Variants in HIVEP3 observed in about 807,000 individuals in gnomAD.
HIVEP3 encodes HIVEP zinc finger 3.
A neutral mutation model predicts 152.8 loss-of-function variants in HIVEP3; 49 were observed. The ratio of observed to expected loss-of-function variants is 0.32; its 90% CI spans 0.26 to 0.41. HIVEP3 has a LOEUF of 0.41. Among genes scored for constraint, HIVEP3 ranks in the 10% least tolerant of loss-of-function variants. The probability of loss-of-function intolerance (pLI) is 1.00; values close to 1 mark genes in which losing one functional copy is unlikely to be tolerated. For synonymous variants in HIVEP3, 1,269 were observed against 1,289.0 expected (o/e 0.98, Z 0.33); for missense variants, 2,790 against 3,103.3 (o/e 0.90, Z 2.40).
At chr1:41,556,258 G>A (rs760061159) in intron 5 of HIVEP3, among the ~76,000 whole-genome samples, 1 of 152,190 alleles carries the variant, frequency 6.6e-6, no homozygotes, top group African/African-American at 2.4e-5. Flanking sequence ...AGCGTACAAA[G>A]GTTCCAATTT....
At chr1:41,594,363 C>T (rs1644633208) in intron 3 of HIVEP3, among the ~76,000 whole-genome samples, 1 of 152,118 alleles carries the variant, frequency 6.6e-6, no homozygotes, top group Non-Finnish European at 1.5e-5. Flanking sequence ...GCTGGGATTA[C>T]AGGCGTGCAC....
chr1:41,834,218 G>A (rs1570632256), intron 1 of HIVEP3, among the ~76,000 whole-genome samples: 1 of 152,230 alleles, frequency 6.6e-6, no homozygotes, highest in Middle Eastern at 3.4e-3. Context: ...ATGGCCATCT[G>A]GGTGTCTCAT....
chr1:41,676,583 C>A (rs1262496482), intron 2 of HIVEP3, among the ~76,000 whole-genome samples: 1 of 152,232 alleles, frequency 6.6e-6, no homozygotes, highest in Non-Finnish European at 1.5e-5. Flanking sequence ...TTTTGCCTCA[C>A]ATTATTACTG....
At chr1:41,930,694 C>T (rs1644992260) in intron 1 of HIVEP3, among the ~76,000 whole-genome samples, 1 of 152,114 alleles carries the variant, frequency 6.6e-6, no homozygotes, top group African/African-American at 2.4e-5. Context: ...TGCCAAACTA[C>T]TTCGCAAAGT....
intron 2 of HIVEP3, among the ~76,000 whole-genome samples, chr1:41,683,109 T>C (rs1000346273): frequency 6.6e-6 from 1 of 152,064 alleles, no homozygotes; most frequent in Non-Finnish European, 1.5e-5. Context: ...CACAGCAAAA[T>C]GGGGATCTGC....
intron 2 of HIVEP3, among the ~76,000 whole-genome samples, chr1:41,647,774 C>T (rs988110433): frequency 1.1e-4 from 16 of 152,262 alleles, no homozygotes; most frequent in Non-Finnish European, 2.2e-4. Context: ...TACAAAGTCC[C>T]AATCGCTCCT....
intron 1 of HIVEP3, among the ~76,000 whole-genome samples, chr1:41,716,300 T>C (rs557728314): frequency 3.2e-4 from 48 of 152,250 alleles, no homozygotes; most frequent in African/African-American, 9.4e-4. Context: ...ATAAGGGGGC[T>C]GGGCCAAGGT....
At chr1:41,594,605 G>C (rs773687046) in intron 3 of HIVEP3, among the ~76,000 whole-genome samples, 2 of 152,132 alleles carry the variant, frequency 1.3e-5, no homozygotes, top group African/African-American at 2.4e-5. Context: ...ATTTCATTTG[G>C]GAGACTATTT....
At chr1:41,588,379 G>C (rs1330268601) in intron 3 of HIVEP3, among the ~76,000 whole-genome samples, 1 of 152,206 alleles carries the variant, frequency 6.6e-6, no homozygotes, top group East Asian at 1.9e-4. Flanking sequence ...GTGGTGAAAT[G>C]ATCAATCTGA....
chr1:42,021,166 G>A (rs938960525), intron 1 of HIVEP3, among the ~76,000 whole-genome samples: 4 of 152,118 alleles, frequency 2.6e-5, no homozygotes, highest in African/African-American at 4.8e-5. Context: ...TAGACCATAA[G>A]GGGGAAAAAA....
At chr1:41,961,617 C>T (rs1332295154) in intron 1 of HIVEP3, among the ~76,000 whole-genome samples, 21 of 152,270 alleles carry the variant, frequency 1.4e-4, no homozygotes, top group Admixed American at 1.4e-3. Context: ...AACTGCCTTG[C>T]AGATGCATAA....
chr1:41,705,793 T>C (rs1646424692), intron 1 of HIVEP3, among the ~76,000 whole-genome samples: 1 of 152,074 alleles, frequency 6.6e-6, no homozygotes, highest in Admixed American at 6.5e-5. Context: ...AGAAAGACAG[T>C]CTAAGAAAAA....
At chr1:41,593,241 C>T (rs1644614234) in intron 3 of HIVEP3, among the ~76,000 whole-genome samples, 1 of 152,226 alleles carries the variant, frequency 6.6e-6, no homozygotes, top group African/African-American at 2.4e-5. Context: ...CATGCCCCTC[C>T]CCAGAGAAGC....
At chr1:41,594,255 C>A (rs1558099685) in intron 3 of HIVEP3, among the ~76,000 whole-genome samples, 1 of 152,154 alleles carries the variant, frequency 6.6e-6, no homozygotes, top group African/African-American at 2.4e-5. Context: ...TGGAGTCTCG[C>A]TCTGTTGCCC....
chr1:41,862,842 T>C (rs991648018), intron 1 of HIVEP3, among the ~76,000 whole-genome samples: 6 of 152,196 alleles, frequency 3.9e-5, no homozygotes, highest in Non-Finnish European at 4.4e-5. Flanking sequence ...TTTACTGACG[T>C]AGAGACAAGT....
rs180780029 is a variant in HIVEP3, at chr1:41,664,496, G to A, written c.-720-35549C>T. ...CAATAGTTCCTGCCTCTACAGACTT[G>A]CCCATCACCTCACATTGAAGTCAGT... On this transcript the variant is annotated intron_variant, in intron 2 of 8. Transcript: ENST00000372583. This position sits in a 1 kb window ranked among gnomAD's most constrained non-coding sequence, Gnocchi z 4.4. Among the ~76,000 whole-genome samples the A allele has an allele frequency of 9.8e-5, 15 of 152,296 alleles. No individual in the cohort carries two copies. In the East Asian group the frequency reaches 2.3e-3, roughly 23 times the overall value.
chr1:41,764,527 A>G (rs984228781), intron 1 of HIVEP3, among the ~76,000 whole-genome samples: 2 of 152,190 alleles, frequency 1.3e-5, no homozygotes, highest in Admixed American at 6.5e-5. Flanking sequence ...TCAGGTTGTG[A>G]GGTCTGTCTC....
At chr1:41,870,853 C>T (rs1343618069) in intron 1 of HIVEP3, among the ~76,000 whole-genome samples, 1 of 152,174 alleles carries the variant, frequency 6.6e-6, no homozygotes, top group Admixed American at 6.5e-5. Flanking sequence ...CTTGACCCCT[C>T]CACTGACCAG....
At chr1:41,836,527 T>C (rs1343589264) in intron 1 of HIVEP3, among the ~76,000 whole-genome samples, 2 of 152,192 alleles carry the variant, frequency 1.3e-5, no homozygotes. Context: ...AGTAATCCCA[T>C]CAACAAGACA....
Sources: gnomAD v4.1 joint callset for allele counts (sites outside exome capture counted in the v4.1 genomes callset) on GRCh38, gnomAD v4.1.1 for gene constraint, Gnocchi (gnomAD v3.1) non-coding constraint, MANE v1.5 for transcripts, NCBI Gene and HGNC (gene_info 2026-07-23, HGNC 2026-07-21) for gene names.